The following DNAJC1 variants were observed in gnomAD, a reference collection of about 807,000 sequenced individuals.
The protein encoded by DNAJC1 is dnaJ homolog subfamily C member 1.
DNAJC1 carries 58 observed loss-of-function variants against 76.6 expected under a neutral mutation model. That is an observed-to-expected ratio of 0.76 (90% confidence interval 0.61 to 0.94). DNAJC1 has a LOEUF of 0.94. DNAJC1 is among the 40% of genes least tolerant of loss of function. The pLI is 0.00. For synonymous variants in DNAJC1, 258 were observed against 267.9 expected (o/e 0.96, Z 0.36); for missense variants, 689 against 677.3 (o/e 1.02, Z -0.19).
At chr10:21,873,139 C>T (rs757504019) in intron 8 of DNAJC1, among the ~76,000 whole-genome samples, 13 of 152,066 alleles carry the variant, frequency 8.5e-5, no homozygotes, top group Non-Finnish European at 1.2e-4. Flanking sequence ...GACCCTCTCA[C>T]GTGGACCCCC....
chr10:21,874,620 G>A (rs966150311), intron 8 of DNAJC1, among the ~76,000 whole-genome samples: 7 of 152,314 alleles, frequency 4.6e-5, no homozygotes, highest in African/African-American at 1.2e-4. Context: ...GTGGTTGCCA[G>A]AAGAGGGGAG....
In DNAJC1 at chr10:21,941,665, TATAA is replaced by T. The variant is rs961832740; in HGVS notation, c.223-12528_223-12525del. 2.8e-4 allele frequency among the ~76,000 whole-genome samples: 42 copies of T among 152,294 alleles called. 1 individual carries two copies. The highest frequency in any genetic ancestry group is 8.4e-4 in the African/African-American group (35 of 41,572). Reference sequence around the variant, plus strand: ...TTTTAAGTTTTTCATAATAAAAAAGTATAAATAGTGAACAATAAATACAAAAGTA... The same window carrying T: ...TTTTAAGTTTTTCATAATAAAAAAGTATAGTGAACAATAAATACAAAAGTA... On this transcript the variant is annotated intron_variant, in intron 1 of 11. Transcript: ENST00000376980.
intron 1 of DNAJC1, among the ~76,000 whole-genome samples, chr10:21,976,775 TC>T (rs1838073058): frequency 6.6e-6 from 1 of 152,164 alleles, no homozygotes; most frequent in South Asian, 2.1e-4. Flanking sequence ...AATTCTGCCT[TC>T]CTTATGCTAC....
At chr10:21,911,809 TTTG>T (rs1431051511) in intron 6 of DNAJC1, among the ~76,000 whole-genome samples, 9 of 152,194 alleles carry the variant, frequency 5.9e-5, no homozygotes, top group African/African-American at 2.2e-4. Context: ...AATCATTCTG[TTTG>T]TTTTTTCTTT....
intron 8 of DNAJC1, among the ~76,000 whole-genome samples, chr10:21,832,845 A>AT (rs1336387297): frequency 6.6e-6 from 1 of 152,160 alleles, no homozygotes; most frequent in Non-Finnish European, 1.5e-5. Flanking sequence ...AAGATCTATG[A>AT]TTTGGCTGCG....
At chr10:21,797,414 G>T (rs1370976892) in intron 9 of DNAJC1, among the ~76,000 whole-genome samples, 1 of 152,134 alleles carries the variant, frequency 6.6e-6, no homozygotes, top group African/African-American at 2.4e-5. Context: ...TCTCAAGGTT[G>T]TTCTAGATAT....
chr10:21,847,602 T>A (rs1215548788), intron 8 of DNAJC1, among the ~76,000 whole-genome samples: 9 of 152,270 alleles, frequency 5.9e-5, no homozygotes, highest in Non-Finnish European at 1.3e-4. Context: ...CTCCTACCTT[T>A]GTCAGCCTCT....
intron 1 of DNAJC1, among the ~76,000 whole-genome samples, chr10:21,985,920 T>C (rs1180007024): frequency 1.3e-5 from 2 of 152,066 alleles, no homozygotes; most frequent in Non-Finnish European, 2.9e-5. Flanking sequence ...TAAGTTTAAC[T>C]TTTTTATTAA....
chr10:21,960,621 T>C (rs958562349), intron 1 of DNAJC1, among the ~76,000 whole-genome samples: 2 of 152,082 alleles, frequency 1.3e-5, no homozygotes, highest in Non-Finnish European at 2.9e-5. Flanking sequence ...GCCCTGGAGG[T>C]TGAGGCTGCA....
At chr10:21,829,450 T>C (rs533268169) in intron 8 of DNAJC1, among the ~76,000 whole-genome samples, 134 of 152,330 alleles carry the variant, frequency 8.8e-4, no homozygotes, top group Non-Finnish European at 1.5e-3. Flanking sequence ...TTTCCTGACC[T>C]CATGATCCGC....
At chr10:21,890,386 C>T (rs1025859909) in intron 7 of DNAJC1, among the ~76,000 whole-genome samples, 2 of 147,576 alleles carry the variant, frequency 1.4e-5, no homozygotes, top group African/African-American at 2.5e-5. Flanking sequence ...GCACTCCAGC[C>T]TGGACGAAAC....
At chr10:21,931,496 C>T (rs1343819197) in intron 1 of DNAJC1, among the ~76,000 whole-genome samples, 1 of 152,126 alleles carries the variant, frequency 6.6e-6, no homozygotes. Flanking sequence ...ATATTAGGTA[C>T]TCGATGAATT....
chr10:21,941,278 A>AC (rs930381891), intron 1 of DNAJC1, among the ~76,000 whole-genome samples: 7 of 149,254 alleles, frequency 4.7e-5, no homozygotes, highest in South Asian at 4.2e-4. Flanking sequence ...CAAAAAAAAA[A>AC]AAAAAAAAAA....
chr10:21,918,719 T>C (rs1836992429), intron 6 of DNAJC1, 60 bp downstream of exon 6: 1 of 1,308,028 alleles, frequency 7.6e-7, no homozygotes, highest in Non-Finnish European at 1.1e-6. Flanking sequence ...TGGGCATAAA[T>C]TATTTCATGA....
chr10:21,866,905 C>T (rs1836010160), intron 8 of DNAJC1, among the ~76,000 whole-genome samples: 1 of 152,004 alleles, frequency 6.6e-6, no homozygotes, highest in South Asian at 2.1e-4. Flanking sequence ...AAGAAACAGA[C>T]TCATAAAGAA....
intron 9 of DNAJC1, among the ~76,000 whole-genome samples, chr10:21,789,544 A>G (rs1834654797): frequency 6.6e-6 from 1 of 152,224 alleles, no homozygotes; most frequent in Admixed American, 6.5e-5. Context: ...ACAAGTTGCC[A>G]GTATAGAAAT....
chr10:21,992,467 C>T (rs1024761731), intron 1 of DNAJC1, among the ~76,000 whole-genome samples: 2 of 151,834 alleles, frequency 1.3e-5, no homozygotes, highest in African/African-American at 2.4e-5. Flanking sequence ...GCAGGAGAAT[C>T]GCTTGAACCC....
At chr10:21,896,198 C>T (rs1171299186) in intron 7 of DNAJC1, among the ~76,000 whole-genome samples, 1 of 152,170 alleles carries the variant, frequency 6.6e-6, no homozygotes, top group Non-Finnish European at 1.5e-5. Flanking sequence ...AACTGCAGAG[C>T]CACCAGCATG....
chr10:21,878,601 A>T (rs1229923066), intron 8 of DNAJC1, among the ~76,000 whole-genome samples: 3 of 152,214 alleles, frequency 2.0e-5, no homozygotes, highest in African/African-American at 7.2e-5. Context: ...TATGCATGAC[A>T]TACCTAACTT....
Sources: allele counts gnomAD v4.1 joint callset (sites outside exome capture counted in the v4.1 genomes callset), GRCh38; gene constraint gnomAD v4.1.1; transcripts MANE v1.5; gene names NCBI Gene and HGNC (gene_info 2026-07-23, HGNC 2026-07-21).